The following CSMD1 variants were observed in gnomAD, a reference collection of about 807,000 sequenced individuals.
CSMD1 encodes the protein CUB and sushi domain-containing protein 1.
Under a neutral mutation model 417.5 loss-of-function variants are expected in CSMD1, and 213 were observed. The ratio of observed to expected loss-of-function variants is 0.51; its 90% CI spans 0.46 to 0.57. CSMD1 has a LOEUF of 0.57. Among genes scored for constraint, CSMD1 ranks in the 20% least tolerant of loss-of-function variants. The pLI, the probability that CSMD1 is intolerant of heterozygous loss-of-function variation, is 0.00. For synonymous variants in CSMD1, 2,862 were observed against 1,736.8 expected (o/e 1.65, Z -16.11); for missense variants, 6,923 against 4,529.7 (o/e 1.53, Z -15.17).
At chr8:4,984,528 T>C (rs1052538087) in intron 1 of CSMD1, among the ~76,000 whole-genome samples, 1 of 152,172 alleles carries the variant, frequency 6.6e-6, no homozygotes, top group Non-Finnish European at 1.5e-5. Context: ...AAACACAAAG[T>C]TTTCTTGTCT....
At chr8:3,270,176 A>C (rs1801736842) in intron 26 of CSMD1, among the ~76,000 whole-genome samples, 1 of 151,418 alleles carries the variant, frequency 6.6e-6, no homozygotes, top group African/African-American at 2.4e-5. Flanking sequence ...CAGACTCCCA[A>C]GTAGCTGGGA....
At chr8:4,838,461 TG>T (rs1800631754) in intron 1 of CSMD1, among the ~76,000 whole-genome samples, 4 of 152,172 alleles carry the variant, frequency 2.6e-5, no homozygotes, top group Admixed American at 6.5e-5. Context: ...AACAAGAAAC[TG>T]CCCTGATGAA....
At chr8:2,944,266 C>G (rs677637) in intron 68 of CSMD1, among the ~76,000 whole-genome samples, 1 of 151,952 alleles carries the variant, frequency 6.6e-6, no homozygotes, top group Non-Finnish European at 1.5e-5. Flanking sequence ...GGACGCAAAA[C>G]ATTCTGAGAT....
intron 8 of CSMD1, among the ~76,000 whole-genome samples, chr8:3,608,589 C>A (rs560851596): frequency 6.6e-6 from 1 of 151,798 alleles, no homozygotes; most frequent in African/African-American, 2.4e-5. Context: ...TAGTGAAACC[C>A]CGTCTCTATT....
chr8:4,547,599 A>T (rs556476667), intron 2 of CSMD1, among the ~76,000 whole-genome samples: 65 of 152,290 alleles, frequency 4.3e-4, no homozygotes, highest in Admixed American at 3.4e-3. Context: ...TGCCTGTGTC[A>T]TTCTTTACTG....
intron 10 of CSMD1, among the ~76,000 whole-genome samples, chr8:3,536,536 G>A (rs1027899405): frequency 7.9e-5 from 12 of 152,222 alleles, no homozygotes; most frequent in African/African-American, 2.9e-4. Flanking sequence ...TGGCCTCCAT[G>A]AGAAGGATGA....
chr8:4,198,318 G>A (rs926510166), intron 3 of CSMD1, among the ~76,000 whole-genome samples: 6 of 152,262 alleles, frequency 3.9e-5, no homozygotes, highest in East Asian at 1.9e-4. Context: ...TGGCAAGCCC[G>A]ACAAGAGTAC....
At chr8:3,749,952 A>C (rs957995634) in intron 6 of CSMD1, among the ~76,000 whole-genome samples, 1 of 152,004 alleles carries the variant, frequency 6.6e-6, no homozygotes, top group African/African-American at 2.4e-5. Flanking sequence ...AATGTTTCTT[A>C]TGTTCAGCTT....
intron 1 of CSMD1, among the ~76,000 whole-genome samples, chr8:4,645,443 G>GAAAAA (rs1803457663): frequency 8.3e-5 from 1 of 12,058 alleles, no homozygotes; most frequent in Non-Finnish European, 1.6e-4. Flanking sequence ...TAGTGCAGGG[G>GAAAAA]CAAAAAAAAA....
At chr8:3,387,311 C>T (rs1331303612) in intron 18 of CSMD1, among the ~76,000 whole-genome samples, 183 bp downstream of exon 18, 4 of 152,184 alleles carry the variant, frequency 2.6e-5, no homozygotes, top group Admixed American at 6.5e-5. Context: ...CTAGTACATA[C>T]ACGGTGGTAG....
intron 18 of CSMD1, among the ~76,000 whole-genome samples, chr8:3,372,972 T>C (rs561345242): frequency 6.6e-6 from 1 of 152,246 alleles, no homozygotes; most frequent in African/African-American, 2.4e-5. Flanking sequence ...TTTTCACTGG[T>C]CTATGATTGG....
intron 7 of CSMD1, among the ~76,000 whole-genome samples, chr8:3,624,487 T>C (rs977719978): frequency 1.3e-5 from 2 of 152,252 alleles, no homozygotes; most frequent in African/African-American, 4.8e-5. Context: ...TTGATTATTA[T>C]TGTCTATTTT....
Position 3,972,177 on chromosome 8 carries a change from G to C in CSMD1, c.818+25726C>G, listed in dbSNP as rs755176222. On this transcript the variant is annotated intron_variant, in intron 5 of 69. Transcript: ENST00000635120. ...GAACCCCTGTGCCTGGCCCTTCTAA[G>C]ACCATAGATGTGATTTCCTATCACT... is the stretch of plus-strand genomic sequence containing the variant. 3.3e-5 allele frequency among the ~76,000 whole-genome samples: 5 copies of C among 152,004 alleles called. No homozygotes were observed. In the East Asian group the frequency reaches 5.8e-4, roughly 18 times the overall value.
chr8:3,924,752 T>C (rs986469576), intron 5 of CSMD1, among the ~76,000 whole-genome samples: 1 of 146,506 alleles, frequency 6.8e-6, no homozygotes, highest in Non-Finnish European at 1.5e-5. Context: ...ACTCATTTTG[T>C]TCATATCTTG....
intron 10 of CSMD1, among the ~76,000 whole-genome samples, chr8:3,553,324 A>G (rs965906055): frequency 2.0e-5 from 3 of 152,218 alleles, no homozygotes; most frequent in African/African-American, 7.2e-5. Context: ...AATTTCAGGA[A>G]TTTTTATAAT....
At chr8:3,893,896 G>A (rs934453673) in intron 5 of CSMD1, among the ~76,000 whole-genome samples, 4 of 152,044 alleles carry the variant, frequency 2.6e-5, no homozygotes, top group Admixed American at 2.6e-4. Flanking sequence ...AGATGTTAAT[G>A]AGACATGCAA....
intron 2 of CSMD1, among the ~76,000 whole-genome samples, chr8:4,464,166 T>C (rs1424285403): frequency 6.6e-6 from 1 of 152,200 alleles, no homozygotes; most frequent in Non-Finnish European, 1.5e-5. Flanking sequence ...CTACTTCCTC[T>C]CTACTTCACT....
At chr8:3,302,795 C>T (rs1299697533) in intron 25 of CSMD1, among the ~76,000 whole-genome samples, 1 of 152,138 alleles carries the variant, frequency 6.6e-6, no homozygotes, top group East Asian at 1.9e-4. Flanking sequence ...AGTTTATGTA[C>T]CATGGCAGCT....
At chr8:3,027,043 A>C (rs1809982965) in intron 51 of CSMD1, among the ~76,000 whole-genome samples, 2 of 152,218 alleles carry the variant, frequency 1.3e-5, no homozygotes, top group Non-Finnish European at 2.9e-5. Flanking sequence ...TACGACATCT[A>C]AGACGGCAAA....
Sources: allele counts gnomAD v4.1 joint callset (sites outside exome capture counted in the v4.1 genomes callset), GRCh38; gene constraint gnomAD v4.1.1; transcripts MANE v1.5; gene names NCBI Gene and HGNC (gene_info 2026-07-23, HGNC 2026-07-21).